EXTL3: variants seen among roughly 807,000 people sequenced by gnomAD.
The protein encoded by EXTL3 is exostosin-like 3.
A neutral mutation model predicts 69.3 loss-of-function variants in EXTL3; 27 were observed. The ratio of observed to expected loss-of-function variants is 0.39; its 90% CI spans 0.29 to 0.54. The LOEUF (loss-of-function observed/expected upper bound fraction) is 0.54, where lower values mean the gene tolerates loss of function less well. EXTL3 is among the 20% of genes least tolerant of loss of function. EXTL3 has a pLI of 0.69. For synonymous variants in EXTL3, 511 were observed against 499.4 expected, an observed-to-expected ratio of 1.02 and a Z score of -0.31; for missense variants, 1,003 against 1,231.8, an observed-to-expected ratio of 0.81 and a Z score of 2.78.
intron 1 of EXTL3, among the ~76,000 whole-genome samples, chr8:28,704,465 C>A (rs1800877503): frequency 6.6e-6 from 1 of 152,212 alleles, no homozygotes; most frequent in Non-Finnish European, 1.5e-5. Flanking sequence ...ACCCCTCACA[C>A]ACATGCCTTT....
At chr8:28,664,107 G>A (rs956518723) in intron 1 of EXTL3, among the ~76,000 whole-genome samples, 3 of 152,238 alleles carry the variant, frequency 2.0e-5, no homozygotes, top group Non-Finnish European at 4.4e-5. Flanking sequence ...GTTACAGAAT[G>A]AGCAGAGAGA....
chr8:28,690,045 C>T (rs1372591800), intron 1 of EXTL3, among the ~76,000 whole-genome samples: 1 of 152,118 alleles, frequency 6.6e-6, no homozygotes, highest in African/African-American at 2.4e-5. Flanking sequence ...TGGGGGGCTA[C>T]AGGGATGTTC....
intron 3 of EXTL3, among the ~76,000 whole-genome samples, chr8:28,728,921 A>C (rs933737394): frequency 6.6e-6 from 1 of 152,166 alleles, no homozygotes; most frequent in African/African-American, 2.4e-5. Flanking sequence ...AAGTTCTGTA[A>C]TCAAGTAAAC....
At chr8:28,637,035 G>A (rs954809616) in intron 1 of EXTL3, among the ~76,000 whole-genome samples, 1 of 151,656 alleles carries the variant, frequency 6.6e-6, no homozygotes, top group African/African-American at 2.4e-5. Context: ...GGGAGGGAGC[G>A]GGGAAGGGAG....
At chr8:28,633,980 G>A (rs1259216081) in intron 1 of EXTL3, among the ~76,000 whole-genome samples, 1 of 152,158 alleles carries the variant, frequency 6.6e-6, no homozygotes, top group Non-Finnish European at 1.5e-5. Flanking sequence ...GAATCTGGTA[G>A]GAGTGGAAAT....
In EXTL3 at chr8:28,721,379, A is replaced by G. The variant is rs114673497; in HGVS notation, c.2148+3172A>G. On this transcript the variant is annotated intron_variant, in intron 3 of 6. Coordinates refer to ENST00000220562, the MANE Select transcript of EXTL3 (RefSeq NM_001440.4). ...CTTTCTCCTGTCTGGAATTTTCTCC[A>G]TTCTTTCTACAGGCTGTGGTTACCT... Among the ~76,000 whole-genome samples, 857 of 152,264 alleles carry G rather than the reference A, an allele frequency of 5.6e-3. 7 individuals are homozygous for G. The highest frequency in any genetic ancestry group is 0.02 in the African/African-American group (829 of 41,540).
intron 1 of EXTL3, among the ~76,000 whole-genome samples, chr8:28,634,402 C>T (rs1806619942): frequency 6.6e-6 from 1 of 152,014 alleles, no homozygotes; most frequent in Non-Finnish European, 1.5e-5. Context: ...CTCGCAGCAC[C>T]CAGGAAGAAG....
chr8:28,721,746 T>C (rs1699353967), intron 3 of EXTL3, among the ~76,000 whole-genome samples: 1 of 152,224 alleles, frequency 6.6e-6, no homozygotes, highest in Admixed American at 6.5e-5. Flanking sequence ...AATTTTGGTT[T>C]GAGTTACTAC....
chr8:28,716,815 G>T lies in EXTL3; in HGVS notation c.756G>T (p.Arg252=). Residue 252 remains arginine (R), a synonymous_variant, in exon 3 of 7, where the codon CGG becomes CGT. Coordinates refer to ENST00000220562, the MANE Select transcript of EXTL3 (RefSeq NM_001440.4). The surrounding 1 kb of genome is among the most constrained non-coding windows in gnomAD (Gnocchi z 7.1). ...VGEMQEPVVL[R]PAELEKQLYS... ...AGATGCAGGAGCCGGTGGTGCTGCG[G>T]CCTGCTGAGCTGGAGAAGCAGTTGT... The T allele has an allele frequency of 6.2e-7, 1 of 1,614,230 alleles. No homozygotes were observed. Among genetic ancestry groups the T allele is most frequent in the Non-Finnish European group, 8.5e-7 (1 of 1,180,042 alleles).
At chr8:28,641,495 T>C (rs1018292587) in intron 1 of EXTL3, among the ~76,000 whole-genome samples, 46 of 152,298 alleles carry the variant, frequency 3.0e-4, no homozygotes, top group African/African-American at 1.1e-3. Context: ...TATTTTTTTT[T>C]AAACGGAGTC....
chr8:28,669,225 G>T (rs1443827924), intron 1 of EXTL3, among the ~76,000 whole-genome samples: 1 of 152,094 alleles, frequency 6.6e-6, no homozygotes, highest in Non-Finnish European at 1.5e-5. Context: ...AGCATTTCTT[G>T]GTCTTCTTCA....
Position 28,750,759 on chromosome 8 carries a change from A to G in EXTL3, c.2653A>G (p.Lys885Glu), listed in dbSNP as rs1204813464. 1.9e-6 allele frequency: 3 copies of G among 1,614,164 alleles called. No homozygotes were observed. Among genetic ancestry groups the G allele is most frequent in the Non-Finnish European group, 1.7e-6 (2 of 1,180,022 alleles). ...ERHKCINFFV[K>E]VYGYMPLLYT... ...GCACAAGTGCATCAACTTCTTCGTG[A>G]AGGTGTACGGCTACATGCCCCTCCT... Residue 885 changes from lysine to glutamate, a missense_variant, in exon 7 of 7, where the codon AAG becomes GAG. Physicochemically the swap from Lys to Glu is moderately conservative, Grantham distance 56. Transcript: ENST00000220562. This position sits in a 1 kb window ranked among gnomAD's most constrained non-coding sequence, Gnocchi z 5.2.
intron 1 of EXTL3, among the ~76,000 whole-genome samples, chr8:28,667,691 C>T (rs983146225): frequency 7.5e-6 from 1 of 132,556 alleles, no homozygotes; most frequent in African/African-American, 2.9e-5. Context: ...GGGCAGGTCA[C>T]TTAAGAATAT....
chr8:28,661,811 G>A (rs963131434), intron 1 of EXTL3, among the ~76,000 whole-genome samples: 1 of 151,794 alleles, frequency 6.6e-6, no homozygotes, highest in African/African-American at 2.4e-5. Flanking sequence ...CTTGAACCCG[G>A]GAGGCAGAGG....
chr8:28,608,723 T>C (rs1806235646), intron 2 of EXTL3, among the ~76,000 whole-genome samples: 1 of 151,744 alleles, frequency 6.6e-6, no homozygotes, highest in Non-Finnish European at 1.5e-5. Flanking sequence ...ACTTAGCCGG[T>C]CCTGGTGGCT....
At chr8:28,612,402 C>T (rs1335667008) in intron 2 of EXTL3, among the ~76,000 whole-genome samples, 1 of 150,550 alleles carries the variant, frequency 6.6e-6, no homozygotes, top group Non-Finnish European at 1.5e-5. Flanking sequence ...TGCAGTGAGC[C>T]GAGATCATGC....
rs138800646 is a variant in EXTL3 at position 28,744,408 on chromosome 8, A to G, written c.2550+1194A>G. 7.4e-4 allele frequency among the ~76,000 whole-genome samples: 113 copies of G among 152,372 alleles called. 1 individual carries two copies. Among genetic ancestry groups the G allele is most frequent in the African/African-American group, 2.4e-3 (98 of 41,592 alleles). On this transcript the variant is annotated intron_variant, in intron 6 of 6. Transcript: ENST00000220562. Reference sequence around the variant, plus strand: ...TGCGGTGGCTCATGCCTGTAATCCCAGCACTTTTGGAGGCTGAGGCAGGCG... The same window carrying G: ...TGCGGTGGCTCATGCCTGTAATCCCGGCACTTTTGGAGGCTGAGGCAGGCG...
At chr8:28,638,464 G>A (rs777677108) in intron 1 of EXTL3, among the ~76,000 whole-genome samples, 30 of 152,162 alleles carry the variant, frequency 2.0e-4, no homozygotes, top group Non-Finnish European at 3.7e-4. Flanking sequence ...CCTGTCTCTT[G>A]GTTTGTTTTC....
rs1343789410 is a variant in EXTL3 at position 28,705,976 on chromosome 8, T to A, written c.-570+4317T>A. Among the ~76,000 whole-genome samples, 6 of 152,226 alleles carry A rather than the reference T, an allele frequency of 3.9e-5. No individual in the cohort carries two copies. In the East Asian group the frequency reaches 7.7e-4, roughly 20 times the overall value. On this transcript the variant is annotated intron_variant, in intron 1 of 6. Transcript: ENST00000220562. ...GTTTTTCTATTCAGAAATATATACATATGCATTTTAAACATGTTATACTGC... is the reference window on the plus strand; with the variant it reads ...GTTTTTCTATTCAGAAATATATACAAATGCATTTTAAACATGTTATACTGC...
Sources: allele counts gnomAD v4.1 joint callset (sites outside exome capture counted in the v4.1 genomes callset), GRCh38; gene constraint gnomAD v4.1.1; non-coding constraint Gnocchi (gnomAD v3.1); transcripts MANE v1.5; gene names NCBI Gene and HGNC (gene_info 2026-07-23, HGNC 2026-07-21).